Variants in ACAA1 observed in about 807,000 individuals in gnomAD.
ACAA1 encodes the protein 3-ketoacyl-CoA thiolase, peroxisomal.
ACAA1 carries 44 observed loss-of-function variants against 48.8 expected under a neutral mutation model. The ratio of observed to expected loss-of-function variants is 0.90; its 90% CI spans 0.71 to 1.16. The LOEUF is 1.16. ACAA1 is among the 50% of genes most tolerant of loss of function. ACAA1 has a pLI of 0.00. For synonymous variants in ACAA1, 233 were observed against 226.5 expected (o/e 1.03, Z -0.26); for missense variants, 512 against 562.3 (o/e 0.91, Z 0.90).
At position 38,136,888 on chromosome 3, in the gene ACAA1, G is replaced by T; in HGVS notation, c.148C>A (p.Arg50=). The part of the protein sequence containing the change: ...VVHGRRTAIC[R]AGRGGFKDTT... ...ACCTTGAAGCCGCCGCGGCCCGCCC[G>T]GCAGATGGCCGTGCGCCGCCCGTGC... Residue 50 remains arginine (R), a synonymous_variant, in exon 1 of 12, where the codon CGG becomes AGG. Coordinates refer to ENST00000333167, the MANE Select transcript of ACAA1 (RefSeq NM_001607.4). 6.5e-7 allele frequency: 1 copy of T among 1,527,860 alleles called. No homozygotes were observed. Among genetic ancestry groups the T allele is most frequent in the Non-Finnish European group, 8.8e-7 (1 of 1,142,328 alleles). 94.6% of individuals were successfully genotyped at this position (1,527,860 alleles called of 1,614,324 possible).
At chr3:38,127,743 C>T (rs1281873427) in intron 7 of ACAA1, 43 bp downstream of exon 7, 2 of 1,597,166 alleles carry the variant, frequency 1.3e-6, no homozygotes, top group Non-Finnish European at 1.7e-6. Context: ...CTCAAAACCT[C>T]ACTCTCCAGC....
intron 6 of ACAA1, among the ~76,000 whole-genome samples, chr3:38,128,784 G>A (rs1015127815): frequency 5.3e-5 from 8 of 152,084 alleles, no homozygotes; most frequent in African/African-American, 1.7e-4. Context: ...GTAGAGACAG[G>A]GTTTCACTGT....
In ACAA1 at chr3:38,129,165, G is replaced by C; in HGVS notation, c.545+125C>G. Reference sequence around the variant, plus strand: ...GTCTCATCCCCAAAGTCCCTGCGGAGCAGACCATGCCCAAAGGAAGGAGGC... The same window carrying C: ...GTCTCATCCCCAAAGTCCCTGCGGACCAGACCATGCCCAAAGGAAGGAGGC... On this transcript the variant is annotated intron_variant, in intron 6 of 11. Coordinates refer to ENST00000333167, the MANE Select transcript of ACAA1 (RefSeq NM_001607.4). This position sits in a 1 kb window ranked among gnomAD's most constrained non-coding sequence, Gnocchi z 5.3. 1 of 798,242 alleles carries C rather than the reference G, an allele frequency of 1.3e-6. No homozygotes were observed. Among genetic ancestry groups the C allele is most frequent in the Non-Finnish European group, 2.0e-6 (1 of 493,834 alleles). 49.4% of individuals were successfully genotyped at this position (798,242 alleles called of 1,614,324 possible).
intron 1 of ACAA1, 28 bp downstream of exon 1, chr3:38,136,837 A>C: frequency 6.7e-7 from 1 of 1,495,226 alleles, no homozygotes; most frequent in East Asian, 2.5e-5. Context: ...GTCTTCCCAC[A>C]CTCGGCGCCC....
intron 3 of ACAA1, 87 bp from the exon 4 acceptor site, chr3:38,132,092 C>T: frequency 8.1e-7 from 1 of 1,238,058 alleles, no homozygotes; most frequent in Non-Finnish European, 1.2e-6. Context: ...TAACTGCCCC[C>T]CTCAAGGGAT....
At position 38,134,855 on chromosome 3, in the gene ACAA1, G is replaced by A. The variant is rs28657014; in HGVS notation, c.266-846C>T. On this transcript the variant is annotated intron_variant, in intron 2 of 11. Coordinates refer to ENST00000333167, the MANE Select transcript of ACAA1 (RefSeq NM_001607.4). ...CTGAGACAGCCTGAGATATGGCCTC[G>A]TGGGAAGGGAAAGACCTTACTGTCC... Among the ~76,000 whole-genome samples, 999 of 152,218 alleles carry A rather than the reference G, an allele frequency of 6.6e-3. 11 individuals are homozygous for A. Among genetic ancestry groups the A allele is most frequent in the African/African-American group, 0.023 (940 of 41,520 alleles).
intron 2 of ACAA1, among the ~76,000 whole-genome samples, chr3:38,135,942 G>C (rs1196507100): frequency 6.6e-6 from 1 of 152,292 alleles, no homozygotes; most frequent in South Asian, 2.1e-4. Context: ...CAATCTCAGT[G>C]GGGGGAAACC....
Position 38,129,625 on chromosome 3 carries a change from T to C in ACAA1, c.447-237A>G, listed in dbSNP as rs2125767687. ...CAGAGCACTGCACAATAAACACTCC[T>C]GGGGGCAGGGCTATGCTTCCCTATA... On this transcript the variant is annotated intron_variant, in intron 5 of 11. Coordinates refer to ENST00000333167, the MANE Select transcript of ACAA1 (RefSeq NM_001607.4). This position sits in a 1 kb window ranked among gnomAD's most constrained non-coding sequence, Gnocchi z 5.3. 6.6e-6 allele frequency among the ~76,000 whole-genome samples: 1 copy of C among 152,312 alleles called. No individual in the cohort carries two copies. Among genetic ancestry groups the C allele is most frequent in the South Asian group, 2.1e-4 (1 of 4,822 alleles).
chr3:38,133,789 T>A, intron 3 of ACAA1, 163 bp downstream of exon 3: 1 of 672,414 alleles, frequency 1.5e-6, no homozygotes, highest in Non-Finnish European at 2.7e-6. Flanking sequence ...CACTTCAAAG[T>A]AGGGGAGAGG....
Position 38,129,161 on chromosome 3 carries a change from C to A in ACAA1, c.545+129G>T, listed in dbSNP as rs865890476. ...TCAAGTCTCATCCCCAAAGTCCCTG[C>A]GGAGCAGACCATGCCCAAAGGAAGG... On this transcript the variant is annotated intron_variant, in intron 6 of 11. Transcript: ENST00000333167. The surrounding 1 kb of genome is among the most constrained non-coding windows in gnomAD (Gnocchi z 5.3). 1 of 760,218 alleles carries A rather than the reference C, an allele frequency of 1.3e-6. No homozygotes were observed. The highest frequency in any genetic ancestry group is 2.7e-5 in the Admixed American group (1 of 37,284). The allele number at this position is 760,218 out of a possible 1,614,324, so 47.1% of individuals were successfully genotyped here. A position where few individuals can be genotyped will look rare whatever the true frequency, so the allele number is the denominator to read the frequency against.
At chr3:38,136,204 T>G (rs1318162544) in intron 2 of ACAA1, among the ~76,000 whole-genome samples, 1 of 152,200 alleles carries the variant, frequency 6.6e-6, no homozygotes, top group African/African-American at 2.4e-5. Context: ...AGAAAAATTT[T>G]TCTTAGTACA....
At chr3:38,127,485 C>A in intron 7 of ACAA1, 1 of 440,620 alleles carries the variant, frequency 2.3e-6, no homozygotes, top group Non-Finnish European at 4.2e-6. Context: ...ACATTGCTGG[C>A]CCCACACTCC....
rs1444364912 is a variant in ACAA1 at position 38,129,381 on chromosome 3, A to G, written c.454T>C (p.Ser152Pro). 3 of 1,613,194 alleles carry G rather than the reference A, an allele frequency of 1.9e-6. No individual in the cohort carries two copies. The highest frequency in any genetic ancestry group is 3.3e-5 in the Admixed American group (2 of 59,970). ...TTCCCTCTGTCAGCCAGGGACATGG[A>G]CTCCACCCTGGGGAGGAGGAAGAGG... The part of the protein sequence containing the change: ...YDIGMACGVE[S>P]MSLADRGNPG... Residue 152 changes from serine to proline, a missense_variant, in exon 6 of 12, where the codon TCC becomes CCC. Transcript: ENST00000333167. This position sits in a 1 kb window ranked among gnomAD's most constrained non-coding sequence, Gnocchi z 5.3.
rs747828124 is a variant in ACAA1 at position 38,125,868 on chromosome 3, A to G, written c.1011T>C (p.Ser337=). The change falls in exon 10 of 12, where the codon AGT becomes AGC. Residue 337 remains serine, a synonymous_variant. Coordinates refer to ENST00000333167, the MANE Select transcript of ACAA1 (RefSeq NM_001607.4). ...VALQKAGLTV[S]DVDIFEINEA... ...CATTGATCTCGAAGATGTCCACGTC[A>G]CTCACTGTCAGCCCTGCAGACAAGG... 9.3e-6 allele frequency: 15 copies of G among 1,613,926 alleles called. No homozygotes were observed. Among genetic ancestry groups the G allele is most frequent in the Non-Finnish European group, 1.3e-5 (15 of 1,180,006 alleles).
intron 7 of ACAA1, among the ~76,000 whole-genome samples, chr3:38,127,328 C>G (rs1194011242): frequency 6.6e-6 from 1 of 152,162 alleles, no homozygotes; most frequent in Non-Finnish European, 1.5e-5. Context: ...CCACTCCCTG[C>G]TTTTGCTTTC....
chr3:38,131,752 G>A, intron 4 of ACAA1, 114 bp from the exon 5 acceptor site: 1 of 1,337,720 alleles, frequency 7.5e-7, no homozygotes, highest in Non-Finnish European at 1.1e-6. Flanking sequence ...CCTCAGAAAT[G>A]GAAGACCCAG....
rs571549170 is a variant in ACAA1 at position 38,134,231 on chromosome 3, G to A, written c.266-222C>T. On this transcript the variant is annotated intron_variant, in intron 2 of 11. Transcript: ENST00000333167. ...CAGCTCCTGTCCCTGAGGGTCCCAC[G>A]CTCACTTGCCCATGCACCCAGCTTT... The A allele has an allele frequency of 1.6e-4, 92 of 581,474 alleles. 1 individual carries two copies. Among genetic ancestry groups the A allele is most frequent in the Non-Finnish European group, 2.7e-4 (87 of 325,844 alleles). The allele number at this position is 581,474 out of a possible 1,614,324, so 36.0% of individuals were successfully genotyped here.
rs748918868 is a variant in ACAA1, at chr3:38,137,011, C to T, written c.25G>A (p.Gly9Ser). The T allele has an allele frequency of 7.2e-5, 113 of 1,567,100 alleles. No homozygotes were observed. The highest frequency in any genetic ancestry group is 9.5e-5 in the Non-Finnish European group (110 of 1,158,412). The change falls in exon 1 of 12, where the codon GGC (glycine) becomes AGC (serine). Residue 9 changes from glycine to serine, a missense_variant. Coordinates refer to ENST00000333167, the MANE Select transcript of ACAA1 (RefSeq NM_001607.4). ...GAATCGGCCGGACCCCTCAGGTGGC[C>T]CAGCACTACCTGCAGCCTCTGCATT... MQRLQVVL[G>S]HLRGPADSGW...
Position 38,136,854 on chromosome 3 carries a change from T to C in ACAA1, c.171+11A>G, listed in dbSNP as rs1210938196. 6.6e-7 allele frequency: 1 copy of C among 1,521,266 alleles called. No homozygotes were observed. Among genetic ancestry groups the C allele is most frequent in the African/African-American group, 1.4e-5 (1 of 71,030 alleles). 94.2% of individuals were successfully genotyped at this position (1,521,266 alleles called of 1,614,324 possible). On this transcript the variant is annotated intron_variant, in intron 1 of 11. Transcript: ENST00000333167. ...CTTCCCACACTCGGCGCCCAGACCCTCGGGCCTCACCTTGAAGCCGCCGCG... is the reference window on the plus strand; with the variant it reads ...CTTCCCACACTCGGCGCCCAGACCCCCGGGCCTCACCTTGAAGCCGCCGCG...
Sources: allele counts gnomAD v4.1 joint callset (sites outside exome capture counted in the v4.1 genomes callset), GRCh38; gene constraint gnomAD v4.1.1; non-coding constraint Gnocchi (gnomAD v3.1); transcripts MANE v1.5; gene names NCBI Gene and HGNC (gene_info 2026-07-23, HGNC 2026-07-21).